PARP8: variants seen among roughly 807,000 people sequenced by gnomAD.
PARP8 encodes the protein poly(ADP-ribose) polymerase family member 8.
PARP8 carries 51 observed loss-of-function variants against 124.1 expected under a neutral mutation model. The ratio of observed to expected loss-of-function variants is 0.41; its 90% CI spans 0.33 to 0.52. The LOEUF is 0.52. Ranked by LOEUF, PARP8 falls within the 20% of genes least tolerant of loss-of-function variation. The pLI, the probability that PARP8 is intolerant of heterozygous loss-of-function variation, is 0.21. For missense variants in PARP8, 860 were observed against 1,018.9 expected (o/e 0.84, Z 2.12); for synonymous variants, 391 against 361.5 (o/e 1.08, Z -0.93).
At chr5:50,771,956 C>T (rs550515487) in intron 7 of PARP8, among the ~76,000 whole-genome samples, 85 of 152,260 alleles carry the variant, frequency 5.6e-4, no homozygotes, top group African/African-American at 1.9e-3. Context: ...CTTATTTCTC[C>T]TACTGAACTG....
chr5:50,747,216 A>G (rs1467770147), intron 2 of PARP8, among the ~76,000 whole-genome samples: 1 of 131,648 alleles, frequency 7.6e-6, no homozygotes, highest in Non-Finnish European at 1.5e-5. Context: ...ACTGAGCAGC[A>G]TGCCAGGGAT....
chr5:50,800,985 T>G (rs1184946095), intron 14 of PARP8, among the ~76,000 whole-genome samples: 2 of 152,034 alleles, frequency 1.3e-5, no homozygotes, highest in Admixed American at 1.3e-4. Flanking sequence ...CTTGAACTCC[T>G]GGGCTCAAGG....
At chr5:50,681,377 G>A (rs764052988) in intron 2 of PARP8, among the ~76,000 whole-genome samples, 1 of 151,926 alleles carries the variant, frequency 6.6e-6, no homozygotes, top group Non-Finnish European at 1.5e-5. Context: ...ATTCTGGAAG[G>A]TTCCTTGGGT....
chr5:50,697,979 T>A (rs1287071172), intron 2 of PARP8, among the ~76,000 whole-genome samples: 1 of 152,234 alleles, frequency 6.6e-6, no homozygotes, highest in Non-Finnish European at 1.5e-5. Flanking sequence ...ACATCTTCAG[T>A]GTCAGGAAGA....
chr5:50,773,744 G>T (rs1761865848), intron 7 of PARP8, among the ~76,000 whole-genome samples: 1 of 151,948 alleles, frequency 6.6e-6, no homozygotes, highest in Non-Finnish European at 1.5e-5. Context: ...TGCTTTGGCT[G>T]GAGTATGGAT....
chr5:50,754,892 G>C (rs1243691323), intron 3 of PARP8, among the ~76,000 whole-genome samples: 1 of 152,108 alleles, frequency 6.6e-6, no homozygotes, highest in Non-Finnish European at 1.5e-5. Flanking sequence ...GGTGTGAGAT[G>C]GTATCTCATT....
chr5:50,770,436 G>A (rs1370867062), intron 7 of PARP8, among the ~76,000 whole-genome samples: 2 of 151,922 alleles, frequency 1.3e-5, no homozygotes, highest in Non-Finnish European at 2.9e-5. Context: ...AGTGTTCAGG[G>A]TCATTCAAAT....
chr5:50,758,987 A>T (rs1760258867), intron 3 of PARP8, among the ~76,000 whole-genome samples: 1 of 152,246 alleles, frequency 6.6e-6, no homozygotes, highest in Non-Finnish European at 1.5e-5. Context: ...AGACTTTATC[A>T]ATTTAAAAAT....
chr5:50,842,096 G>A lies in PARP8; in HGVS notation c.*28G>A, dbSNP rs767442733. On this transcript the variant is annotated 3_prime_UTR_variant, in exon 26 of 26. Transcript: ENST00000281631. ...GACCACCATTTAATTAACATGATTC[G>A]AAAGCCTTCCTCGGGTTCAAAGCTG... is the stretch of plus-strand genomic sequence containing the variant. 1.2e-5 allele frequency: 18 copies of A among 1,487,572 alleles called. No homozygotes were observed. The highest frequency in any genetic ancestry group is 1.1e-4 in the African/African-American group (8 of 71,094). The allele number at this position is 1,487,572 out of a possible 1,614,324, so 92.1% of individuals were successfully genotyped here. A position where few individuals can be genotyped will look rare whatever the true frequency, so the allele number is the denominator to read the frequency against.
chr5:50,683,664 A>G (rs541946173), intron 2 of PARP8, among the ~76,000 whole-genome samples: 14 of 152,106 alleles, frequency 9.2e-5, no homozygotes, highest in Admixed American at 2.6e-4. Context: ...ACTACTCTTT[A>G]TCTTCTACTG....
At chr5:50,752,014 A>G (rs1759315041) in intron 3 of PARP8, among the ~76,000 whole-genome samples, 1 of 152,126 alleles carries the variant, frequency 6.6e-6, no homozygotes, top group African/African-American at 2.4e-5. Flanking sequence ...AATTTTTAAT[A>G]ATAGATATGA....
rs183574291 is a variant in PARP8, at chr5:50,840,677, A to G, written c.2463-1289A>G. Among the ~76,000 whole-genome samples, 33 of 151,944 alleles carry G rather than the reference A, an allele frequency of 2.2e-4. 1 individual carries two copies. In the East Asian group the frequency reaches 5.8e-3, roughly 27 times the overall value. Reference sequence around the variant, plus strand: ...GATTTTGCATATCATGAGAGAGAGAAAACTGAGGTGTGATTCATGTATAAA... The same window carrying G: ...GATTTTGCATATCATGAGAGAGAGAGAACTGAGGTGTGATTCATGTATAAA... On this transcript the variant is annotated intron_variant, in intron 25 of 25. Transcript: ENST00000281631.
chr5:50,816,591 A>T (rs1349903113), intron 15 of PARP8, among the ~76,000 whole-genome samples: 2 of 152,186 alleles, frequency 1.3e-5, no homozygotes, highest in African/African-American at 4.8e-5. Context: ...AGTATTTTTC[A>T]TATAATTGAA....
At chr5:50,701,482 ATTAT>A (rs1561263250) in intron 2 of PARP8, among the ~76,000 whole-genome samples, 1 of 152,114 alleles carries the variant, frequency 6.6e-6, no homozygotes, top group African/African-American at 2.4e-5. Flanking sequence ...TCTCTTTATA[ATTAT>A]TTATTTGCTC....
chr5:50,720,058 A>G (rs1250920334), intron 2 of PARP8, among the ~76,000 whole-genome samples: 4 of 152,068 alleles, frequency 2.6e-5, no homozygotes, highest in African/African-American at 4.8e-5. Flanking sequence ...AACAACCACA[A>G]TATATTAATT....
At chr5:50,714,734 G>T (rs1440164973) in intron 2 of PARP8, among the ~76,000 whole-genome samples, 1 of 152,068 alleles carries the variant, frequency 6.6e-6, no homozygotes, top group Non-Finnish European at 1.5e-5. Context: ...AGGAACCAGG[G>T]CTTTCCAACT....
chr5:50,748,277 C>T lies in PARP8; in HGVS notation c.147-1874C>T, dbSNP rs370646204. ...TTAGGGTTAATATATCATTTTACAT[C>T]ATATGTAAGGATTTTGCAACTTCAT... On this transcript the variant is annotated intron_variant, in intron 2 of 25. Transcript: ENST00000281631. Among the ~76,000 whole-genome samples the T allele has an allele frequency of 1.4e-4, 22 of 151,976 alleles. No individual in the cohort carries two copies. In the East Asian group the frequency reaches 4.3e-3, roughly 29 times the overall value.
At chr5:50,675,596 A>C (rs1750535253) in intron 2 of PARP8, among the ~76,000 whole-genome samples, 1 of 152,260 alleles carries the variant, frequency 6.6e-6, no homozygotes, top group African/African-American at 2.4e-5. Context: ...GGCGTGAGCC[A>C]GCCATGGCGC....
chr5:50,730,532 C>G (rs1756874423), intron 2 of PARP8, among the ~76,000 whole-genome samples: 1 of 152,156 alleles, frequency 6.6e-6, no homozygotes, highest in Non-Finnish European at 1.5e-5. Context: ...ATTAAATTAC[C>G]TCCCACCGGG....
Sources: gnomAD v4.1 joint callset for allele counts (sites outside exome capture counted in the v4.1 genomes callset) on GRCh38, gnomAD v4.1.1 for gene constraint, MANE v1.5 for transcripts, NCBI Gene and HGNC (gene_info 2026-07-23, HGNC 2026-07-21) for gene names.